Variants in IL18 observed in about 807,000 individuals in gnomAD.
The protein encoded by IL18 is interleukin-18.
In IL18, 8 loss-of-function variants were observed where a neutral mutation model predicts 14.2. The ratio of observed to expected loss-of-function variants is 0.56; its 90% CI spans 0.33 to 1.01. The LOEUF (loss-of-function observed/expected upper bound fraction) is 1.01, where lower values mean the gene tolerates loss of function less well. Among genes scored for constraint, IL18 ranks in the 50% least tolerant of loss-of-function variants. The pLI, the probability that IL18 is intolerant of heterozygous loss-of-function variation, is 0.03. For synonymous variants in IL18, 67 were observed against 71.0 expected (o/e 0.94, Z 0.28); for missense variants, 166 against 231.1 (o/e 0.72, Z 1.83).
rs1866509618 is a variant in IL18, at chr11:112,155,033, T to A, written c.21A>T (p.Glu7Asp). ...TTGCCACAAAGTTGATGCAATTGTC[T>A]TCTACTGGTTCAGCAGCCATCTTTA... The part of the protein sequence containing the change: MAAEPV[E>D]DNCINFVAMK... Residue 7 changes from glutamate (E) to aspartate (D), a missense_variant, in exon 2 of 6, where the codon GAA becomes GAT. Coordinates refer to ENST00000280357, the MANE Select transcript of IL18 (RefSeq NM_001562.4). 1.2e-6 allele frequency: 2 copies of A among 1,612,438 alleles called. No individual in the cohort carries two copies. The highest frequency in any genetic ancestry group is 2.2e-5 in the South Asian group (2 of 91,034).
chr11:112,159,860 G>A (rs1459070706), intron 1 of IL18, among the ~76,000 whole-genome samples: 1 of 152,154 alleles, frequency 6.6e-6, no homozygotes, highest in African/African-American at 2.4e-5. Flanking sequence ...GAGGGGAAAA[G>A]TAAAGACAGT....
intron 1 of IL18, among the ~76,000 whole-genome samples, chr11:112,155,433 G>C (rs5744247): frequency 0.094 from 14,241 of 152,130 alleles, 1,047 homozygotes; most frequent in East Asian, 0.39. Context: ...AGGAAGGACT[G>C]GCTTCATCCT....
At chr11:112,163,174 T>C (rs1866662993) in intron 1 of IL18, among the ~76,000 whole-genome samples, 1 of 152,338 alleles carries the variant, frequency 6.6e-6, no homozygotes, top group South Asian at 2.1e-4. Flanking sequence ...TATTCAGCCC[T>C]TTCCTTAATT....
chr11:112,146,751 C>G (rs5744271), intron 5 of IL18, among the ~76,000 whole-genome samples: 106 of 151,702 alleles, frequency 7.0e-4, no homozygotes, highest in African/African-American at 1.7e-3. Context: ...CTCTCTCCCC[C>G]CCTCCAACTA....
chr11:112,162,319 C>T (rs192914818), intron 1 of IL18, among the ~76,000 whole-genome samples: 16 of 148,792 alleles, frequency 1.1e-4, no homozygotes, highest in Admixed American at 6.7e-4. Flanking sequence ...CTGAATAGAG[C>T]GATGTTTTTT....
chr11:112,148,720 G>A lies in IL18; in HGVS notation c.243C>T (p.Thr81=). ...DSDCRDNAPR[T]IFIISMYKDS... is the part of the protein sequence containing the mutation. The stretch of plus-strand genomic sequence containing the variant: ...CTTTATACATACTTATAATAAATAT[G>A]GTCCGGGGTGCATTATCTGAAATAA... The change falls in exon 5 of 6, where the codon ACC becomes ACT. Residue 81 remains threonine (T), a synonymous_variant. Coordinates refer to ENST00000280357, the MANE Select transcript of IL18 (RefSeq NM_001562.4). 2 of 1,453,796 alleles carry A rather than the reference G, an allele frequency of 1.4e-6. No individual in the cohort carries two copies. Among genetic ancestry groups the A allele is most frequent in the Non-Finnish European group, 1.8e-6 (2 of 1,090,672 alleles). The allele number at this position is 1,453,796 out of a possible 1,614,324, so 90.1% of individuals were successfully genotyped here. A position where few individuals can be genotyped will look rare whatever the true frequency, so the allele number is the denominator to read the frequency against.
At chr11:112,154,917 T>G (rs1866507032) in intron 2 of IL18, 58 bp downstream of exon 2, 15 of 1,107,708 alleles carry the variant, frequency 1.4e-5, no homozygotes, top group Non-Finnish European at 2.0e-5. Flanking sequence ...TCACAACATC[T>G]TTTCTAATTG....
intron 5 of IL18, among the ~76,000 whole-genome samples, chr11:112,146,854 C>A (rs1866351736): frequency 1.3e-5 from 2 of 150,244 alleles, no homozygotes; most frequent in East Asian, 3.9e-4. Context: ...CTCTTCCAGC[C>A]ACCCCCCGCC....
At position 112,153,609 on chromosome 11, in the gene IL18, AGG is replaced by A; in HGVS notation, c.80-8_80-7del. 6.5e-7 allele frequency: 1 copy of A among 1,550,344 alleles called. No individual in the cohort carries two copies. Among genetic ancestry groups the A allele is most frequent in the Non-Finnish European group, 8.8e-7 (1 of 1,137,946 alleles). On this transcript the variant is annotated splice_polypyrimidine_tract_variant and splice_region_variant and intron_variant, in intron 2 of 5. Transcript: ENST00000280357. Reference sequence around the variant, plus strand: ...TACTTTACCATCATCTTCAGCTAAGAGGGGGAAAAAGAGAGAAACAGAATATG... The same window carrying A: ...TACTTTACCATCATCTTCAGCTAAGAGGGAAAAAGAGAGAAACAGAATATG...
At chr11:112,152,861 T>C (rs1036790134) in intron 3 of IL18, 9 of 152,240 alleles carry the variant, frequency 5.9e-5, no homozygotes, top group Admixed American at 5.2e-4. Context: ...ATTCAGCTAC[T>C]GTATCTTTGG....
chr11:112,155,040 G>T lies in IL18; in HGVS notation c.14C>A (p.Pro5Gln). ...AAAGTTGATGCAATTGTCTTCTACTGGTTCAGCAGCCATCTTTATTCCTAA... is the reference window on the plus strand; with the variant it reads ...AAAGTTGATGCAATTGTCTTCTACTTGTTCAGCAGCCATCTTTATTCCTAA... MAAE[P>Q]VEDNCINFVA... The change falls in exon 2 of 6, where the codon CCA becomes CAA. Residue 5 changes from proline to glutamine, a missense_variant. Physicochemically the swap from Pro to Gln is moderately conservative, Grantham distance 76 (BLOSUM62 -1). Coordinates refer to ENST00000280357, the MANE Select transcript of IL18 (RefSeq NM_001562.4). 1.2e-6 allele frequency: 2 copies of T among 1,611,570 alleles called. No homozygotes were observed. The highest frequency in any genetic ancestry group is 1.7e-6 in the Non-Finnish European group (2 of 1,177,866).
Position 112,145,219 on chromosome 11 carries a change from T to C in IL18, c.361-1402A>G, listed in dbSNP as rs6589263. ...ATCAGTAGTCATAACTCTTGACCTT[T>C]GTTCTTTATCAACAAGTGTGGGTCC... is the stretch of plus-strand genomic sequence containing the variant. On this transcript the variant is annotated intron_variant, in intron 5 of 5. Coordinates refer to ENST00000280357, the MANE Select transcript of IL18 (RefSeq NM_001562.4). Among the ~76,000 whole-genome samples, 664 of 152,364 alleles carry C rather than the reference T, an allele frequency of 4.4e-3. 5 individuals are homozygous for C. The highest frequency in any genetic ancestry group is 0.015 in the African/African-American group (638 of 41,586).
At chr11:112,157,958 A>G (rs1866562093) in intron 1 of IL18, among the ~76,000 whole-genome samples, 1 of 152,188 alleles carries the variant, frequency 6.6e-6, no homozygotes, top group Admixed American at 6.5e-5. Flanking sequence ...CCTGGGTTCA[A>G]GTGATTCTCT....
intron 5 of IL18, among the ~76,000 whole-genome samples, chr11:112,145,580 A>C (rs1048187150): frequency 3.3e-5 from 5 of 152,236 alleles, no homozygotes; most frequent in African/African-American, 1.2e-4. Context: ...TCTACTAAAA[A>C]TACAAAAAAT....
At chr11:112,153,812 A>G (rs1382243517) in intron 2 of IL18, among the ~76,000 whole-genome samples, 1 of 152,206 alleles carries the variant, frequency 6.6e-6, no homozygotes, top group African/African-American at 2.4e-5. Context: ...GTGTGTTCTC[A>G]GGTAATTTAG....
intron 2 of IL18, among the ~76,000 whole-genome samples, chr11:112,153,972 TG>T (rs1183984183): frequency 2.6e-5 from 4 of 151,796 alleles, no homozygotes; most frequent in African/African-American, 9.7e-5. Flanking sequence ...GGTTTTTTTT[TG>T]TGTGTGTGTG....
intron 5 of IL18, 72 bp downstream of exon 5, chr11:112,148,531 G>T (rs1866379833): frequency 1.3e-6 from 1 of 795,098 alleles, no homozygotes; most frequent in South Asian, 3.2e-5. Flanking sequence ...ATTAACATTA[G>T]AAATAATGTT....
chr11:112,152,622 G>C (rs1866462255), intron 3 of IL18, among the ~76,000 whole-genome samples: 1 of 152,174 alleles, frequency 6.6e-6, no homozygotes, highest in Non-Finnish European at 1.5e-5. Context: ...CTTCCAATTA[G>C]AGTCTTTGAA....
Position 112,157,589 on chromosome 11 carries a change from T to C in IL18, c.-8-2528A>G, listed in dbSNP as rs143370581. On this transcript the variant is annotated intron_variant, in intron 1 of 5. Coordinates refer to ENST00000280357, the MANE Select transcript of IL18 (RefSeq NM_001562.4). ...ACGTAAGAGCTGAATTTACAAGAGATTCATTCTTTCTGTTTGATGGTGCTG... is the reference window on the plus strand; with the variant it reads ...ACGTAAGAGCTGAATTTACAAGAGACTCATTCTTTCTGTTTGATGGTGCTG... 5.1e-3 allele frequency among the ~76,000 whole-genome samples: 771 copies of C among 152,258 alleles called. 12 individuals are homozygous for C. The highest frequency in any genetic ancestry group is 0.017 in the African/African-American group (724 of 41,552).
Sources: allele counts gnomAD v4.1 joint callset (sites outside exome capture counted in the v4.1 genomes callset), GRCh38; gene constraint gnomAD v4.1.1; transcripts MANE v1.5; gene names NCBI Gene and HGNC (gene_info 2026-07-23, HGNC 2026-07-21).